DTNB: variants seen among roughly 807,000 people sequenced by gnomAD.
DTNB encodes DTN-B.
DTNB carries 63 observed loss-of-function variants against 90.7 expected under a neutral mutation model. The ratio of observed to expected loss-of-function variants is 0.69; its 90% CI spans 0.57 to 0.86. The LOEUF (loss-of-function observed/expected upper bound fraction) is 0.86. Ranked by LOEUF, DTNB falls within the 40% of genes least tolerant of loss-of-function variation. The pLI is 0.00. For synonymous variants in DTNB, 277 were observed against 286.7 expected, an observed-to-expected ratio of 0.97 and a Z score of 0.34; for missense variants, 744 against 807.1, an observed-to-expected ratio of 0.92 and a Z score of 0.95.
intron 16 of DTNB, among the ~76,000 whole-genome samples, chr2:25,407,836 G>C (rs1306499041): frequency 6.6e-6 from 1 of 152,166 alleles, no homozygotes; most frequent in Non-Finnish European, 1.5e-5. Context: ...ACACTAGTTG[G>C]GTGACGGGTG....
intron 8 of DTNB, chr2:25,558,104 G>T: frequency 1.4e-6 from 1 of 728,188 alleles, no homozygotes; most frequent in Non-Finnish European, 1.7e-6. Flanking sequence ...GCTCATCAAA[G>T]GCGATCCAAA....
intron 10 of DTNB, among the ~76,000 whole-genome samples, chr2:25,473,813 A>C (rs2063259391): frequency 6.6e-6 from 1 of 152,210 alleles, no homozygotes; most frequent in Non-Finnish European, 1.5e-5. Context: ...CCCCACCCAC[A>C]TCCAAAATTT....
chr2:25,656,101 T>C (rs2082018000), intron 1 of DTNB, among the ~76,000 whole-genome samples: 1 of 152,210 alleles, frequency 6.6e-6, no homozygotes. Flanking sequence ...TTTCCAAGGA[T>C]AACCTCCAAA....
In DTNB at chr2:25,609,968, T is replaced by C. The variant is rs532050399; in HGVS notation, c.363-2647A>G. On this transcript the variant is annotated intron_variant, in intron 4 of 20. Coordinates refer to ENST00000406818, the MANE Select transcript of DTNB (RefSeq NM_021907.5). Reference sequence around the variant, plus strand: ...GACTATTAAGTGCATGAAAAGACACTGACCTTAATTAATAATAAAAGGAAC... The same window carrying C: ...GACTATTAAGTGCATGAAAAGACACCGACCTTAATTAATAATAAAAGGAAC... 3.3e-5 allele frequency among the ~76,000 whole-genome samples: 5 copies of C among 152,284 alleles called. No individual in the cohort carries two copies. In the South Asian group the frequency reaches 8.3e-4, roughly 25 times the overall value.
At chr2:25,518,736 G>C (rs1283136797) in intron 9 of DTNB, among the ~76,000 whole-genome samples, 4 of 152,178 alleles carry the variant, frequency 2.6e-5, no homozygotes, top group South Asian at 4.1e-4. Flanking sequence ...TCCAGGGCTA[G>C]TAAGCAACCT....
intron 16 of DTNB, among the ~76,000 whole-genome samples, chr2:25,394,267 C>A (rs1373892952): frequency 6.6e-6 from 1 of 152,134 alleles, no homozygotes; most frequent in Admixed American, 6.5e-5. Context: ...AGACTTAAAT[C>A]TAAGACCTGA....
chr2:25,499,216 A>G (rs992236654), intron 9 of DTNB, among the ~76,000 whole-genome samples: 1 of 151,902 alleles, frequency 6.6e-6, no homozygotes, highest in African/African-American at 2.4e-5. Flanking sequence ...AACAAAAACA[A>G]CCATATCAGG....
At chr2:25,471,516 C>T (rs2062810870) in intron 10 of DTNB, among the ~76,000 whole-genome samples, 1 of 152,034 alleles carries the variant, frequency 6.6e-6, no homozygotes, top group Non-Finnish European at 1.5e-5. Context: ...CTACCTCAGC[C>T]TCCTGAGTAG....
chr2:25,672,203 CAAAAAAAAAAAAAAAAAAAAA>C (rs5829985), intron 1 of DTNB, among the ~76,000 whole-genome samples: 1 of 42,474 alleles, frequency 2.4e-5, no homozygotes, highest in Non-Finnish European at 3.8e-5. Flanking sequence ...CCTCGCATAG[CAAAAAAAAAAAAAAAAAAAAA>C]AAAAAAAAAA....
intron 1 of DTNB, among the ~76,000 whole-genome samples, chr2:25,653,573 G>A (rs1362449186): frequency 2.9e-5 from 4 of 138,122 alleles, no homozygotes; most frequent in Non-Finnish European, 6.0e-5. Flanking sequence ...GTGCAGTGGT[G>A]CGATCTCAGC....
intron 16 of DTNB, among the ~76,000 whole-genome samples, chr2:25,395,160 A>T (rs540666196): frequency 2.1e-4 from 32 of 152,326 alleles, no homozygotes; most frequent in Admixed American, 1.9e-3. Flanking sequence ...ATTCTCACTC[A>T]TATGTGGGAG....
At chr2:25,460,617 G>GA (rs1167753071) in intron 10 of DTNB, among the ~76,000 whole-genome samples, 1 of 152,132 alleles carries the variant, frequency 6.6e-6, no homozygotes. Flanking sequence ...GTTTCAAGTA[G>GA]AAAGGAGAGA....
chr2:25,458,411 TAA>T (rs551224217), intron 10 of DTNB, among the ~76,000 whole-genome samples: 13 of 142,370 alleles, frequency 9.1e-5, no homozygotes, highest in Admixed American at 1.4e-4. Flanking sequence ...AATCAACAGT[TAA>T]AAAAAAAAAA....
rs146533331 is a variant in DTNB, at chr2:25,587,424, T to C, written c.604-6598A>G. 3.8e-4 allele frequency among the ~76,000 whole-genome samples: 58 copies of C among 152,288 alleles called. No homozygotes were observed. In the East Asian group the frequency reaches 7.7e-3, roughly 20 times the overall value. ...TTTTCTGCTTTACTTGAATACTAGT[T>C]AGTCATACATAAAGCAGTAAGGCAG... On this transcript the variant is annotated intron_variant, in intron 6 of 20. Coordinates refer to ENST00000406818, the MANE Select transcript of DTNB (RefSeq NM_021907.5).
chr2:25,427,491 GGGA>G (rs745665110), intron 15 of DTNB, 41 bp downstream of exon 15: 5 of 1,588,520 alleles, frequency 3.1e-6, no homozygotes, highest in East Asian at 4.5e-5. Context: ...AGGCTGTGGT[GGGA>G]GAAGAATGAC....
intron 3 of DTNB, among the ~76,000 whole-genome samples, chr2:25,637,973 T>C (rs2077451681): frequency 1.3e-5 from 2 of 152,316 alleles, no homozygotes; most frequent in Admixed American, 1.3e-4. Context: ...TGCCCATCAA[T>C]GATAGACTGG....
chr2:25,528,667 T>C (rs569084589), intron 9 of DTNB, among the ~76,000 whole-genome samples: 1 of 152,190 alleles, frequency 6.6e-6, no homozygotes, highest in South Asian at 2.1e-4. Context: ...ATTCAGAAAA[T>C]ATTCCATTTG....
intron 5 of DTNB, 45 bp downstream of exon 5, chr2:25,607,191 C>T: frequency 7.2e-6 from 11 of 1,533,010 alleles, no homozygotes; most frequent in Non-Finnish European, 9.7e-6. Flanking sequence ...ATTTAAAAGT[C>T]CTAATTTGAA....
At chr2:25,565,584 A>G (rs1350330567) in intron 8 of DTNB, among the ~76,000 whole-genome samples, 1 of 151,164 alleles carries the variant, frequency 6.6e-6, no homozygotes, top group African/African-American at 2.5e-5. Flanking sequence ...CAGGTTGAGA[A>G]AGTTCTCTTC....
Sources: allele counts gnomAD v4.1 joint callset (sites outside exome capture counted in the v4.1 genomes callset), GRCh38; gene constraint gnomAD v4.1.1; transcripts MANE v1.5; gene names NCBI Gene and HGNC (gene_info 2026-07-23, HGNC 2026-07-21).